ESR1: variants seen among roughly 807,000 people sequenced by gnomAD.
The protein encoded by ESR1 is estrogen receptor 1.
A neutral mutation model predicts 52.7 loss-of-function variants in ESR1; 12 were observed. The ratio of observed to expected loss-of-function variants is 0.23; its 90% CI spans 0.15 to 0.37. The LOEUF (loss-of-function observed/expected upper bound fraction) is 0.37. Among genes scored for constraint, ESR1 ranks in the 10% least tolerant of loss-of-function variants. The pLI is 1.00. For synonymous variants in ESR1, 305 were observed against 316.8 expected (o/e 0.96, Z 0.39); for missense variants, 584 against 779.7 (o/e 0.75, Z 2.99).
intron 6 of ESR1, among the ~76,000 whole-genome samples, chr6:152,084,436 G>T (rs796717617): frequency 6.9e-6 from 1 of 145,034 alleles, no homozygotes. Flanking sequence ...AAAAAAGAAA[G>T]AAAAGAAAAG....
At chr6:151,944,586 G>A in intron 4 of ESR1, 78 bp downstream of exon 4, 2 of 1,322,332 alleles carry the variant, frequency 1.5e-6, no homozygotes, top group Admixed American at 3.4e-5. Context: ...GAAATAGTGG[G>A]GGAAAAAGAA....
At position 151,753,453 on chromosome 6, in the gene ESR1, G is replaced by T. The variant is rs143349177; in HGVS notation, c.-71+51448G>T. Among the ~76,000 whole-genome samples, 43 of 152,144 alleles carry T rather than the reference G, an allele frequency of 2.8e-4. No individual in the cohort carries two copies. The East Asian group carries it at 7.3e-3, about 26-fold the overall frequency. On this transcript the variant is annotated intron_variant, in intron 2 of 2. Coordinates refer to the ESR1 transcript ENST00000404742. The stretch of plus-strand genomic sequence containing the variant: ...CTGCCTCAATCTCCTGAGTAGCTGG[G>T]AATACAGGTGCATGCCACCACTCCT...
intron 6 of ESR1, among the ~76,000 whole-genome samples, chr6:152,079,474 C>G (rs918081159): frequency 1.3e-5 from 2 of 152,140 alleles, no homozygotes; most frequent in African/African-American, 2.4e-5. Context: ...ACACCAAAAC[C>G]CCATCTGTAG....
chr6:152,110,363 CA>C (rs1436036442), intron 6 of ESR1, among the ~76,000 whole-genome samples: 1 of 152,200 alleles, frequency 6.6e-6, no homozygotes, highest in Admixed American at 6.5e-5. Context: ...AGAATGAGAA[CA>C]TGTTCTCTGC....
At chr6:151,659,861 G>C (rs1228163814) in intron 1 of ESR1, among the ~76,000 whole-genome samples, 1 of 152,138 alleles carries the variant, frequency 6.6e-6, no homozygotes, top group Non-Finnish European at 1.5e-5. Flanking sequence ...GCCAAATTAA[G>C]GGGGCAAAAT....
intron 2 of ESR1, among the ~76,000 whole-genome samples, chr6:151,782,135 A>G (rs1376372353): frequency 6.6e-6 from 1 of 152,200 alleles, no homozygotes; most frequent in African/African-American, 2.4e-5. Flanking sequence ...TCAAATTTTG[A>G]TTGACTACAG....
chr6:151,922,110 C>T (rs1290194797), intron 3 of ESR1, among the ~76,000 whole-genome samples: 3 of 152,222 alleles, frequency 2.0e-5, no homozygotes, highest in East Asian at 1.9e-4. Flanking sequence ...GGTACAAATA[C>T]AGACACATAG....
intron 3 of ESR1, among the ~76,000 whole-genome samples, chr6:151,924,148 A>C (rs924828117): frequency 6.6e-6 from 1 of 152,076 alleles, no homozygotes; most frequent in African/African-American, 2.4e-5. Context: ...GGTTCAAGCA[A>C]TTCTCTGCCT....
At chr6:151,865,115 C>G (rs537932953) in intron 2 of ESR1, among the ~76,000 whole-genome samples, 4 of 151,756 alleles carry the variant, frequency 2.6e-5, no homozygotes, top group African/African-American at 9.7e-5. Flanking sequence ...TCTACAGTCC[C>G]TTTCTCAATA....
chr6:151,969,069 G>A (rs567434600), intron 4 of ESR1, among the ~76,000 whole-genome samples: 11 of 152,118 alleles, frequency 7.2e-5, no homozygotes, highest in Admixed American at 2.0e-4. Context: ...AGTTCTCTAC[G>A]CCGTTCTGAA....
intron 2 of ESR1, among the ~76,000 whole-genome samples, chr6:151,854,740 T>C (rs568309587): frequency 6.6e-6 from 1 of 152,268 alleles, no homozygotes; most frequent in South Asian, 2.1e-4. Flanking sequence ...TTAAGTGCAA[T>C]GATTTAAAAG....
At chr6:151,711,642 C>T (rs529130354) in intron 2 of ESR1, among the ~76,000 whole-genome samples, 5 of 152,178 alleles carry the variant, frequency 3.3e-5, no homozygotes, top group South Asian at 2.1e-4. Flanking sequence ...GTTTGTTGGC[C>T]GCATAAATGA....
At chr6:151,831,093 A>G (rs1004656818) in intron 1 of ESR1, among the ~76,000 whole-genome samples, 1 of 152,096 alleles carries the variant, frequency 6.6e-6, no homozygotes, top group Non-Finnish European at 1.5e-5. Flanking sequence ...TTTCCCCTCA[A>G]AGAAGTATTG....
In ESR1 at chr6:152,102,515, T is replaced by C. The variant is rs974081907; in HGVS notation, c.*3549T>C. 5.7e-5 allele frequency: 12 copies of C among 210,756 alleles called. No individual in the cohort carries two copies. Among genetic ancestry groups the C allele is most frequent in the Middle Eastern group, 3.0e-3 (2 of 656 alleles). The allele number at this position is 210,756 out of a possible 1,614,324, so 13.1% of individuals were successfully genotyped here. On this transcript the variant is annotated 3_prime_UTR_variant, in exon 8 of 8. Transcript: ENST00000206249. ...TGGTGCAGGTCTTGGGAGCGTGATC[T>C]AGATTACACTGCACCATTCCCAAGT...
At chr6:151,739,143 A>T (rs909078996) in intron 2 of ESR1, among the ~76,000 whole-genome samples, 1 of 152,204 alleles carries the variant, frequency 6.6e-6, no homozygotes, top group Non-Finnish European at 1.5e-5. Context: ...TGTCTTGACC[A>T]CTAGGGGATC....
intron 2 of ESR1, among the ~76,000 whole-genome samples, chr6:151,862,706 G>A (rs770034976): frequency 1.3e-5 from 2 of 152,036 alleles, no homozygotes; most frequent in African/African-American, 4.8e-5. Flanking sequence ...TCTTTGCTGG[G>A]GTATCTGAAG....
chr6:151,967,329 C>T (rs910836988), intron 4 of ESR1, among the ~76,000 whole-genome samples: 13 of 152,254 alleles, frequency 8.5e-5, no homozygotes, highest in African/African-American at 2.6e-4. Flanking sequence ...TGCTATCCTT[C>T]GCCTAGCCCC....
chr6:151,755,529 C>G (rs986718769), intron 2 of ESR1, among the ~76,000 whole-genome samples: 18 of 152,204 alleles, frequency 1.2e-4, no homozygotes, highest in African/African-American at 4.3e-4. Context: ...CGCCGCAGAG[C>G]TGGTTTCCCT....
intron 4 of ESR1, among the ~76,000 whole-genome samples, chr6:152,008,187 T>C (rs555854652): frequency 8.5e-5 from 13 of 152,236 alleles, no homozygotes; most frequent in African/African-American, 3.1e-4. Context: ...TAATCTTTCA[T>C]AGTCTTCACA....
Sources: allele counts gnomAD v4.1 joint callset (sites outside exome capture counted in the v4.1 genomes callset), GRCh38; gene constraint gnomAD v4.1.1; transcripts MANE v1.5; gene names NCBI Gene and HGNC (gene_info 2026-07-23, HGNC 2026-07-21).